BLTP1: variants seen among roughly 807,000 people sequenced by gnomAD.
BLTP1 encodes bridge-like lipid transfer protein family member 1.
chr4:122,171,990 A>C, the BLTP1 span: 1 of 882,464 alleles, frequency 1.1e-6, no homozygotes, highest in Non-Finnish European at 1.4e-6. Context: ...CTGTTGACAC[A>C]GTGATTTATA....
the BLTP1 span, chr4:122,254,126 A>G: frequency 1.7e-5 from 25 of 1,450,296 alleles, no homozygotes; most frequent in Admixed American, 2.5e-4. Flanking sequence ...CACTTAAAAC[A>G]TTAGCCTCTG....
At chr4:122,297,695 G>GGT in the BLTP1 span, among the ~76,000 whole-genome samples, 3 of 152,096 alleles carry the variant, frequency 2.0e-5, no homozygotes, top group Non-Finnish European at 4.4e-5. Flanking sequence ...AAGAAAATGT[G>GGT]GTATATATAC....
At chr4:122,275,826 T>A in the BLTP1 span, 59 of 925,746 alleles carry the variant, frequency 6.4e-5, no homozygotes, top group Non-Finnish European at 7.1e-5. Flanking sequence ...AAAAAAATGG[T>A]TCAAATGGTA....
chr4:122,198,688 A>G, the BLTP1 span, among the ~76,000 whole-genome samples: 1 of 152,090 alleles, frequency 6.6e-6, no homozygotes, highest in Non-Finnish European at 1.5e-5. Flanking sequence ...GGTTTTGGGT[A>G]TAGAGGTTAG....
chr4:122,241,524 T>C, the BLTP1 span, among the ~76,000 whole-genome samples: 1 of 152,222 alleles, frequency 6.6e-6, no homozygotes, highest in African/African-American at 2.4e-5. Flanking sequence ...ACTGTCTCAG[T>C]AGTCTGTGCA....
chr4:122,310,147 A>G, the BLTP1 span, among the ~76,000 whole-genome samples: 1 of 152,106 alleles, frequency 6.6e-6, no homozygotes, highest in African/African-American at 2.4e-5. Flanking sequence ...ACTTTTTAGA[A>G]AGCGGTAGCC....
At chr4:122,227,365 T>A in the BLTP1 span, 1 of 985,412 alleles carries the variant, frequency 1.0e-6, no homozygotes, top group Non-Finnish European at 1.2e-6. Flanking sequence ...TAGATGGTAA[T>A]CCCTAAAACC....
the BLTP1 span, chr4:122,226,859 A>T: frequency 6.5e-7 from 1 of 1,547,774 alleles, no homozygotes; most frequent in South Asian, 1.2e-5. Flanking sequence ...TATGTTAGCA[A>T]TATTATAAAC....
the BLTP1 span, among the ~76,000 whole-genome samples, chr4:122,196,020 G>A: frequency 1.3e-5 from 2 of 152,094 alleles, no homozygotes; most frequent in East Asian, 3.8e-4. Flanking sequence ...TTTCATTTTT[G>A]TCAAATGATA....
At chr4:122,201,254 G>A in the BLTP1 span, 5 of 728,954 alleles carry the variant, frequency 6.9e-6, no homozygotes, top group Non-Finnish European at 8.2e-6. Context: ...TTTCATTTTG[G>A]GCTGAAAATG....
the BLTP1 span, chr4:122,243,486 A>T: frequency 1.0e-6 from 1 of 963,620 alleles, no homozygotes. Context: ...CACACCTGTA[A>T]TCCCAGCATT....
chr4:122,175,402 T>C, the BLTP1 span: 7 of 422,940 alleles, frequency 1.7e-5, no homozygotes, highest in East Asian at 9.6e-4. Context: ...GTTTCTCTTT[T>C]GTGTGCTAAC....
chr4:122,199,993 C>T, the BLTP1 span: 1 of 974,602 alleles, frequency 1.0e-6, no homozygotes, highest in Non-Finnish European at 1.2e-6. Flanking sequence ...TTATTACTAT[C>T]AGGGACAACA....
the BLTP1 span, chr4:122,346,537 T>C: frequency 6.7e-7 from 1 of 1,484,616 alleles, no homozygotes; most frequent in Admixed American, 2.2e-5. Flanking sequence ...ATAATTCAGC[T>C]GTGTAATAAC....
chr4:122,246,611 A>T, the BLTP1 span: 2 of 1,535,046 alleles, frequency 1.3e-6, no homozygotes, highest in African/African-American at 1.4e-5. Context: ...GTAGTTTTTC[A>T]TTTTTGTGCA....
the BLTP1 span, chr4:122,204,932 T>A: frequency 5.1e-6 from 2 of 391,944 alleles, no homozygotes; most frequent in Non-Finnish European, 7.0e-6. Context: ...TGTTGTCTAT[T>A]AATAGAACAG....
the BLTP1 span, chr4:122,187,454 A>G: frequency 1.2e-6 from 2 of 1,612,112 alleles, no homozygotes; most frequent in Non-Finnish European, 1.7e-6. Flanking sequence ...ACAGAATCCC[A>G]AGACCCCACA....
the BLTP1 span, chr4:122,312,726 T>A: frequency 2.2e-5 from 10 of 453,584 alleles, no homozygotes; most frequent in Non-Finnish European, 2.9e-5. Context: ...TATTTCTAAG[T>A]TGGAAAGATT....
At chr4:122,245,327 A>G in the BLTP1 span, among the ~76,000 whole-genome samples, 5 of 152,178 alleles carry the variant, frequency 3.3e-5, no homozygotes, top group Non-Finnish European at 5.9e-5. Flanking sequence ...AATAGTAGTA[A>G]AAATATTTAT....
Sources: gnomAD v4.1 joint callset for allele counts (sites outside exome capture counted in the v4.1 genomes callset) on GRCh38, gnomAD v4.1.1 for gene constraint, MANE v1.5 for transcripts, NCBI Gene and HGNC (gene_info 2026-07-23, HGNC 2026-07-21) for gene names.